Variants in ZPLD1 observed in about 807,000 individuals in gnomAD.
ZPLD1 encodes the protein zona pellucida like domain containing 1.
Under a neutral mutation model 47.2 loss-of-function variants are expected in ZPLD1, and 34 were observed. That is an observed-to-expected ratio of 0.72 (90% CI 0.55 to 0.96). The LOEUF (loss-of-function observed/expected upper bound fraction) is 0.96, where lower values mean the gene tolerates loss of function less well. ZPLD1 is among the 40% of genes least tolerant of loss of function. ZPLD1 has a pLI of 0.00. For synonymous variants in ZPLD1, 176 were observed against 186.2 expected, an observed-to-expected ratio of 0.95 and a Z score of 0.45; for missense variants, 512 against 505.8, an observed-to-expected ratio of 1.01 and a Z score of -0.12.
intron 3 of ZPLD1, among the ~76,000 whole-genome samples, chr3:102,439,756 T>C (rs1339377376): frequency 6.6e-6 from 1 of 152,238 alleles, no homozygotes; most frequent in Non-Finnish European, 1.5e-5. Context: ...TTGGTGTTTA[T>C]ATGTGATGGA....
chr3:102,459,953 G>A (rs1484762905), intron 6 of ZPLD1, among the ~76,000 whole-genome samples: 1 of 152,014 alleles, frequency 6.6e-6, no homozygotes, highest in African/African-American at 2.4e-5. Flanking sequence ...CATCATTGCT[G>A]TATAATACAG....
At chr3:102,393,111 G>A (rs1203019371) in intron 7 of ZPLD1, among the ~76,000 whole-genome samples, 1 of 152,092 alleles carries the variant, frequency 6.6e-6, no homozygotes, top group African/African-American at 2.4e-5. Flanking sequence ...TGTAATGTAT[G>A]TTGTAATTAT....
intron 8 of ZPLD1, among the ~76,000 whole-genome samples, chr3:102,421,217 A>C (rs1208154187): frequency 6.6e-6 from 1 of 151,924 alleles, no homozygotes; most frequent in East Asian, 1.9e-4. Flanking sequence ...CAACTACACT[A>C]TCTCTCAGTT....
chr3:102,446,653 T>C (rs1244623892), intron 3 of ZPLD1, among the ~76,000 whole-genome samples: 1 of 152,186 alleles, frequency 6.6e-6, no homozygotes, highest in Non-Finnish European at 1.5e-5. Flanking sequence ...CATCCCTTTT[T>C]CTTCATGCAG....
At chr3:102,390,823 A>G (rs773469081) in intron 6 of ZPLD1, among the ~76,000 whole-genome samples, 11 of 152,078 alleles carry the variant, frequency 7.2e-5, no homozygotes, top group Non-Finnish European at 1.2e-4. Context: ...AACATGTGAG[A>G]GATTATTGGA....
chr3:102,452,352 T>G (rs1030034152), intron 3 of ZPLD1, among the ~76,000 whole-genome samples: 2 of 152,060 alleles, frequency 1.3e-5, no homozygotes, highest in African/African-American at 4.8e-5. Context: ...ACTATTTTTT[T>G]ATTCCCTTTC....
At position 102,462,339 on chromosome 3, in the gene ZPLD1, A is replaced by T. The variant is rs1470050041; in HGVS notation, c.641A>T (p.Lys214Ile). ...AGTATAGGATTACCTTTGAAAACCA[A>T]AGTATTTGCAGCTGTCCAAGCCACT... ...IPSIGLPLKTKVFAAVQATNL... is the reference protein window; with the variant it reads ...IPSIGLPLKTIVFAAVQATNL... Residue 214 changes from lysine (K) to isoleucine (I), a missense_variant, in exon 7 of 12, where the codon AAA (lysine) becomes ATA (isoleucine). Lys to Ile is a moderately radical substitution (Grantham distance 102). Coordinates refer to ENST00000466937, the MANE Select transcript of ZPLD1 (RefSeq NM_001329788.2). 1.2e-6 allele frequency: 2 copies of T among 1,612,038 alleles called. No individual in the cohort carries two copies. Among genetic ancestry groups the T allele is most frequent in the Admixed American group, 3.3e-5 (2 of 59,772 alleles).
chr3:102,473,799 T>G (rs1045527738), intron 10 of ZPLD1, among the ~76,000 whole-genome samples: 1 of 152,190 alleles, frequency 6.6e-6, no homozygotes, highest in Non-Finnish European at 1.5e-5. Context: ...AACTTCATGT[T>G]CAACTTCATG....
chr3:102,435,811 T>C (rs1198021284), intron 1 of ZPLD1, among the ~76,000 whole-genome samples: 1 of 151,802 alleles, frequency 6.6e-6, no homozygotes, highest in African/African-American at 2.4e-5. Flanking sequence ...CCCGGCTAAT[T>C]TTTTGTATTT....
intron 6 of ZPLD1, among the ~76,000 whole-genome samples, chr3:102,388,054 G>A (rs1261265667): frequency 1.3e-5 from 2 of 151,844 alleles, no homozygotes; most frequent in African/African-American, 2.4e-5. Flanking sequence ...TAGAGACGGG[G>A]TTTCACCGTG....
At chr3:102,457,351 A>G (rs1042095701) in intron 5 of ZPLD1, among the ~76,000 whole-genome samples, 4 of 152,190 alleles carry the variant, frequency 2.6e-5, no homozygotes, top group African/African-American at 7.2e-5. Context: ...TTGAGTTTCA[A>G]TTCCATGGAA....
At chr3:102,389,950 G>A (rs1163031920) in intron 6 of ZPLD1, among the ~76,000 whole-genome samples, 1 of 152,180 alleles carries the variant, frequency 6.6e-6, no homozygotes, top group Non-Finnish European at 1.5e-5. Flanking sequence ...AGGGTTGATA[G>A]CATATTGGAT....
chr3:102,385,798 A>G (rs779476149), intron 6 of ZPLD1, among the ~76,000 whole-genome samples: 1 of 152,252 alleles, frequency 6.6e-6, no homozygotes, highest in Non-Finnish European at 1.5e-5. Flanking sequence ...CATTAAATTT[A>G]TTAATATAAA....
rs899105645 is a variant in ZPLD1, at chr3:102,474,600, TA to T, written c.1043-2402del. On this transcript the variant is annotated intron_variant, in intron 10 of 11. Transcript: ENST00000466937. ...TACTACATAGGTTATTAAAGTTTTT[TA>T]AAAAAAAAACTTTTCTAGTACTAAG... Among the ~76,000 whole-genome samples the T allele has an allele frequency of 1.8e-3, 273 of 151,226 alleles. 1 individual carries two copies. The highest frequency in any genetic ancestry group is 0.01 in the East Asian group (52 of 5,128).
intron 8 of ZPLD1, among the ~76,000 whole-genome samples, chr3:102,466,267 G>A (rs1256571434): frequency 5.3e-5 from 8 of 152,014 alleles, no homozygotes; most frequent in Non-Finnish European, 8.8e-5. Context: ...AGAGGAGGGA[G>A]CCCTTGAGTT....
intron 8 of ZPLD1, among the ~76,000 whole-genome samples, chr3:102,467,729 C>G (rs1559761067): frequency 1.3e-5 from 2 of 151,632 alleles, no homozygotes; most frequent in Admixed American, 6.6e-5. Context: ...TAGAATAAAA[C>G]AAGAGAAATA....
intron 4 of ZPLD1, among the ~76,000 whole-genome samples, chr3:102,454,516 A>C (rs1707383154): frequency 6.6e-6 from 1 of 152,156 alleles, no homozygotes. Context: ...AAAAGTGTGC[A>C]ATGTGTGTGC....
In ZPLD1 at chr3:102,469,066, A is replaced by T; in HGVS notation, c.864A>T (p.Lys288Asn). ...VFRFVKHKNQ[K>N]MSTVFLHCVT... ...GATTTGTGAAACACAAGAATCAGAA[A>T]ATGTCCACTGTCTTCTTGCACTGCG... is the stretch of plus-strand genomic sequence containing the variant. The change falls in exon 9 of 12, where the codon AAA becomes AAT. Residue 288 changes from lysine to asparagine, a missense_variant. Transcript: ENST00000466937. 1 of 1,614,168 alleles carries T rather than the reference A, an allele frequency of 6.2e-7. No homozygotes were observed. The highest frequency in any genetic ancestry group is 8.5e-7 in the Non-Finnish European group (1 of 1,180,004).
intron 5 of ZPLD1, 110 bp downstream of exon 5, chr3:102,456,484 C>A: frequency 2.1e-6 from 2 of 946,082 alleles, no homozygotes; most frequent in South Asian, 1.6e-5. Flanking sequence ...TAGTTAAATT[C>A]AAACAATGTA....
Sources: gnomAD v4.1 joint callset for allele counts (sites outside exome capture counted in the v4.1 genomes callset) on GRCh38, gnomAD v4.1.1 for gene constraint, MANE v1.5 for transcripts, NCBI Gene and HGNC (gene_info 2026-07-23, HGNC 2026-07-21) for gene names.